The following RAB33A variants were observed in gnomAD, a reference collection of about 807,000 sequenced individuals.
The protein encoded by RAB33A is ras-related protein Rab-33A.
Under a neutral mutation model 12.0 loss-of-function variants are expected in RAB33A, and 6 were observed. The observed-to-expected ratio is 0.50, with a 90% confidence interval of 0.27 to 0.99. The LOEUF is 0.99. RAB33A is among the 50% of genes least tolerant of loss of function. RAB33A has a pLI of 0.11. For synonymous variants in RAB33A, 70 were observed against 82.4 expected, an observed-to-expected ratio of 0.85 and a Z score of 0.81; for missense variants, 109 against 192.0, an observed-to-expected ratio of 0.57 and a Z score of 2.55.
At chrX:130,152,033 T>G in the RAB33A span, among the ~76,000 whole-genome samples, 5 of 106,723 alleles carry the variant, frequency 4.7e-5, no homozygotes, top group African/African-American at 6.9e-5. Flanking sequence ...AGCGAGACTC[T>G]GTCTCAAAAA....
At chrX:130,122,206 T>C in the RAB33A span, among the ~76,000 whole-genome samples, 2 of 112,258 alleles carry the variant, frequency 1.8e-5, no homozygotes, top group Admixed American at 9.4e-5. Flanking sequence ...ACCTCTCCAC[T>C]GGGGTGGGAA....
the RAB33A span, among the ~76,000 whole-genome samples, chrX:130,146,518 G>A: frequency 9.3e-6 from 1 of 107,927 alleles, no homozygotes; most frequent in Non-Finnish European, 1.9e-5. Context: ...TATAAAGTTA[G>A]CCACTAACTT....
intron 1 of RAB33A, among the ~76,000 whole-genome samples, chrX:130,178,650 T>A (rs1426220344): frequency 1.8e-5 from 2 of 109,165 alleles, no homozygotes; most frequent in Non-Finnish European, 3.8e-5. Flanking sequence ...ATTAATTAAT[T>A]AATTTATTTA....
At chrX:130,178,972 G>A (rs1399979138) in intron 1 of RAB33A, among the ~76,000 whole-genome samples, 1 of 103,984 alleles carries the variant, frequency 9.6e-6, no homozygotes, top group African/African-American at 3.5e-5. Context: ...TTTTTTTAAT[G>A]AGATCATTTC....
chrX:130,180,626 T>C (rs1183148417), intron 1 of RAB33A, among the ~76,000 whole-genome samples: 8 of 106,977 alleles, frequency 7.5e-5, no homozygotes, highest in African/African-American at 2.7e-4. Flanking sequence ...AGCTAATTTT[T>C]TTATATTTTT....
chrX:130,116,099 CTTTTT>C, the RAB33A span, among the ~76,000 whole-genome samples: 2 of 63,057 alleles, frequency 3.2e-5, no homozygotes, highest in African/African-American at 8.3e-5. Flanking sequence ...ACCCCAGGTC[CTTTTT>C]TTTTTTTTTT....
the RAB33A span, among the ~76,000 whole-genome samples, chrX:130,127,854 G>A: frequency 3.9e-4 from 43 of 108,965 alleles, no homozygotes; most frequent in Middle Eastern, 4.7e-3. Context: ...CATGCCTGGC[G>A]AATTTTTGTA....
chrX:130,154,947 C>T, the RAB33A span, among the ~76,000 whole-genome samples: 1 of 112,373 alleles, frequency 8.9e-6, no homozygotes, highest in South Asian at 3.6e-4. Context: ...CATCATTAGA[C>T]TTGTGGCTTT....
the RAB33A span, among the ~76,000 whole-genome samples, chrX:130,159,673 A>G: frequency 4.6e-5 from 5 of 109,807 alleles, no homozygotes; most frequent in Non-Finnish European, 5.7e-5. Flanking sequence ...TACAGACATT[A>G]TAACAAATTT....
chrX:130,124,760 A>G, the RAB33A span, among the ~76,000 whole-genome samples: 1 of 112,421 alleles, frequency 8.9e-6, no homozygotes, highest in South Asian at 3.7e-4. Context: ...GGGCGCTAGA[A>G]AAGACTTAGA....
At chrX:130,156,681 C>G in the RAB33A span, 1 of 1,069,761 alleles carries the variant, frequency 9.3e-7, no homozygotes, top group African/African-American at 1.8e-5. Flanking sequence ...AATGTCAATG[C>G]ACTGTACAAG....
chrX:130,111,479 G>A, the RAB33A span, among the ~76,000 whole-genome samples: 3 of 112,965 alleles, frequency 2.7e-5, no homozygotes, highest in Non-Finnish European at 5.6e-5. Flanking sequence ...GAGGCCGCGA[G>A]ATGCCCAGAG....
At chrX:130,168,210 CTTTTTTTTT>C (rs377586962), upstream of RAB33A, among the ~76,000 whole-genome samples, 2 of 94,169 alleles carry the variant, frequency 2.1e-5, no homozygotes, top group Non-Finnish European at 4.3e-5. Flanking sequence ...CAAAGATACT[CTTTTTTTTT>C]TTTTTTTTTT....
chrX:130,140,666 T>G, the RAB33A span: 1 of 988,024 alleles, frequency 1.0e-6, no homozygotes. Context: ...GAATTAGCAT[T>G]GAAAAAGTTT....
chrX:130,160,748 G>T, the RAB33A span, among the ~76,000 whole-genome samples: 1 of 110,930 alleles, frequency 9.0e-6, no homozygotes, highest in Non-Finnish European at 1.9e-5. Flanking sequence ...TCTTTGCAAA[G>T]AAATTTTAGC....
intron 1 of RAB33A, among the ~76,000 whole-genome samples, chrX:130,175,581 C>T (rs753702492): frequency 1.4e-4 from 15 of 105,034 alleles, no homozygotes; most frequent in Admixed American, 2.1e-4. Context: ...ACTGCAACCT[C>T]GGCCTCCTGG....
the RAB33A span, among the ~76,000 whole-genome samples, chrX:130,142,226 C>T: frequency 9.0e-6 from 1 of 111,633 alleles, no homozygotes; most frequent in African/African-American, 3.3e-5. Flanking sequence ...GAACATATGA[C>T]ATGTGCAATC....
chrX:130,137,390 C>T, the RAB33A span: 1 of 1,156,021 alleles, frequency 8.7e-7, no homozygotes, highest in Middle Eastern at 2.4e-4. Flanking sequence ...GGTATCAGAA[C>T]TGCTGGCCCC....
intron 1 of RAB33A, 97 bp downstream of exon 1, chrX:130,172,417 G>A: frequency 9.3e-7 from 1 of 1,074,006 alleles, no homozygotes. Context: ...CGTCCAGCGC[G>A]TGGCGGTTTC....
Sources: gnomAD v4.1 joint callset for allele counts (sites outside exome capture counted in the v4.1 genomes callset) on GRCh38, gnomAD v4.1.1 for gene constraint, MANE v1.5 for transcripts, NCBI Gene and HGNC (gene_info 2026-07-23, HGNC 2026-07-21) for gene names.